MEGF11: variants seen among roughly 807,000 people sequenced by gnomAD.
MEGF11 encodes the protein multiple EGF like domains 11.
A neutral mutation model predicts 146.6 loss-of-function variants in MEGF11; 126 were observed. The observed-to-expected ratio is 0.86, with a 90% CI of 0.74 to 1.00. MEGF11 has a LOEUF of 1.00. Among genes scored for constraint, MEGF11 ranks in the 50% least tolerant of loss-of-function variants. The probability of loss-of-function intolerance (pLI) is 0.00; values close to 1 mark genes in which losing one functional copy is unlikely to be tolerated. For missense variants in MEGF11, 1,509 were observed against 1,521.2 expected (o/e 0.99, Z 0.13); for synonymous variants, 532 against 583.4 (o/e 0.91, Z 1.27).
chr15:65,916,984 G>A (rs1449829547), intron 16 of MEGF11, 28 bp from the exon 17 acceptor site: 1 of 1,475,366 alleles, frequency 6.8e-7, no homozygotes, highest in African/African-American at 1.4e-5. Flanking sequence ...TGCAGAGGGT[G>A]AGGGGAAGGC....
chr15:65,899,030 A>C lies in MEGF11; in HGVS notation c.3056-96T>G, dbSNP rs2078427117. On this transcript the variant is annotated intron_variant, in intron 24 of 25. Coordinates refer to ENST00000395614, the MANE Select transcript of MEGF11 (RefSeq NM_001385028.1). ...GCAGTTGAGTTTATGTGCCTTCAGG[A>C]TCTTAGAGCTGGAAAAGCCAGGATA... is the stretch of plus-strand genomic sequence containing the variant. 4.9e-6 allele frequency: 6 copies of C among 1,217,306 alleles called. No individual in the cohort carries two copies. The South Asian group carries it at 8.7e-5, about 18-fold the overall frequency. 75.4% of individuals were successfully genotyped at this position (1,217,306 alleles called of 1,614,324 possible).
rs57977250 is a variant in MEGF11 at position 65,950,584 on chromosome 15, GACACACACACACAC to G, written c.1287+6949_1287+6962del. 3.4e-3 allele frequency among the ~76,000 whole-genome samples: 510 copies of G among 148,938 alleles called. 1 individual carries two copies. Among genetic ancestry groups the G allele is most frequent in the African/African-American group, 0.012 (477 of 40,292 alleles). The stretch of plus-strand genomic sequence containing the variant: ...CAATAGAGTGAGGCTTAGACACACA[GACACACACACACAC>G]ACACACACACACACACACACACACA... On this transcript the variant is annotated intron_variant, in intron 10 of 25. Transcript: ENST00000395614.
At chr15:65,968,004 G>C (rs556449267) in intron 8 of MEGF11, among the ~76,000 whole-genome samples, 17 of 152,298 alleles carry the variant, frequency 1.1e-4, no homozygotes, top group African/African-American at 4.1e-4. Context: ...ACTGCTCCAA[G>C]CTCACGCAGC....
intron 1 of MEGF11, among the ~76,000 whole-genome samples, chr15:66,234,106 C>T (rs1166777320): frequency 6.6e-6 from 1 of 151,796 alleles, no homozygotes; most frequent in East Asian, 1.9e-4. Flanking sequence ...GCTGTGCTGG[C>T]CAGGCTGGTC....
At chr15:66,009,297 G>A (rs1333141336) in intron 5 of MEGF11, among the ~76,000 whole-genome samples, 1 of 148,028 alleles carries the variant, frequency 6.8e-6, no homozygotes, top group African/African-American at 2.5e-5. Flanking sequence ...ATTACCAGTA[G>A]AGGAAAGACC....
At chr15:66,133,509 C>G (rs1013189876) in intron 1 of MEGF11, among the ~76,000 whole-genome samples, 4 of 152,168 alleles carry the variant, frequency 2.6e-5, no homozygotes, top group Non-Finnish European at 5.9e-5. Flanking sequence ...AACAAAAAGC[C>G]AAGTTTGCAC....
At chr15:66,092,750 A>C (rs1291976345) in intron 5 of MEGF11, among the ~76,000 whole-genome samples, 2 of 152,128 alleles carry the variant, frequency 1.3e-5, no homozygotes, top group African/African-American at 4.8e-5. Context: ...AGTTGCACTC[A>C]CTGGTGGTTT....
Position 66,028,894 on chromosome 15 carries a change from T to G in MEGF11, c.395-46406A>C, listed in dbSNP as rs553567082. Among the ~76,000 whole-genome samples, 73 of 152,250 alleles carry G rather than the reference T, an allele frequency of 4.8e-4. 1 individual carries two copies. The highest frequency in any genetic ancestry group is 1.6e-3 in the African/African-American group (65 of 41,522). ...TGTGTTAAGGTGGAAGGACTAGAGG[T>G]GATTTATTTTTGTTTTTAAACATTT... On this transcript the variant is annotated intron_variant, in intron 5 of 25. Transcript: ENST00000395614.
At chr15:66,051,998 G>A (rs2084466583) in intron 5 of MEGF11, among the ~76,000 whole-genome samples, 1 of 152,168 alleles carries the variant, frequency 6.6e-6, no homozygotes, top group South Asian at 2.1e-4. Flanking sequence ...CCATCAGCAG[G>A]CTGCTGGCAA....
chr15:66,120,381 C>T (rs2087962859), intron 3 of MEGF11, among the ~76,000 whole-genome samples: 2 of 152,172 alleles, frequency 1.3e-5, no homozygotes, highest in African/African-American at 4.8e-5. Flanking sequence ...AACCCCAAGT[C>T]CTTGGGCCTT....
At chr15:66,074,688 A>C (rs894311733) in intron 5 of MEGF11, among the ~76,000 whole-genome samples, 1 of 152,244 alleles carries the variant, frequency 6.6e-6, no homozygotes, top group African/African-American at 2.4e-5. Context: ...GATGCATGGC[A>C]TTCTGAGGTT....
At chr15:66,020,736 T>C (rs1001782091) in intron 5 of MEGF11, among the ~76,000 whole-genome samples, 1 of 152,146 alleles carries the variant, frequency 6.6e-6, no homozygotes, top group African/African-American at 2.4e-5. Flanking sequence ...CTCACGCCTG[T>C]AATCCCAGCA....
intron 4 of MEGF11, among the ~76,000 whole-genome samples, chr15:66,106,358 G>A (rs2087080775): frequency 6.6e-6 from 1 of 152,168 alleles, no homozygotes; most frequent in Admixed American, 6.5e-5. Flanking sequence ...ACATACGGGT[G>A]CACACATGTG....
chr15:66,104,960 G>A (rs2086998230), intron 4 of MEGF11, among the ~76,000 whole-genome samples: 1 of 152,094 alleles, frequency 6.6e-6, no homozygotes, highest in Non-Finnish European at 1.5e-5. Flanking sequence ...GCTGCTTAGT[G>A]CCCGGGTACT....
chr15:66,149,963 C>T (rs991543171), intron 1 of MEGF11, among the ~76,000 whole-genome samples: 2 of 152,246 alleles, frequency 1.3e-5, no homozygotes, highest in African/African-American at 4.8e-5. Context: ...CATCCCATTG[C>T]TCCCTGGAAG....
At chr15:65,999,929 G>A (rs2082310460) in intron 5 of MEGF11, among the ~76,000 whole-genome samples, 1 of 152,190 alleles carries the variant, frequency 6.6e-6, no homozygotes, top group Non-Finnish European at 1.5e-5. Flanking sequence ...CCCAGAAGCA[G>A]ACCCTGAGGT....
chr15:66,208,226 AG>A (rs1301492761), intron 1 of MEGF11, among the ~76,000 whole-genome samples: 1 of 152,206 alleles, frequency 6.6e-6, no homozygotes, highest in African/African-American at 2.4e-5. Flanking sequence ...GGAAGTCTAA[AG>A]GGATATAAAG....
intron 1 of MEGF11, among the ~76,000 whole-genome samples, chr15:66,189,538 C>A (rs2090813684): frequency 6.6e-6 from 1 of 152,136 alleles, no homozygotes; most frequent in Admixed American, 6.6e-5. Context: ...AACCCTGGGG[C>A]CTGCAGGAGC....
chr15:65,932,063 A>T (rs2079597751), intron 10 of MEGF11, among the ~76,000 whole-genome samples: 1 of 152,218 alleles, frequency 6.6e-6, no homozygotes, highest in Non-Finnish European at 1.5e-5. Flanking sequence ...TCTTGAGAAT[A>T]ATCCCGATGA....
Sources: allele counts gnomAD v4.1 joint callset (sites outside exome capture counted in the v4.1 genomes callset), GRCh38; gene constraint gnomAD v4.1.1; transcripts MANE v1.5; gene names NCBI Gene and HGNC (gene_info 2026-07-23, HGNC 2026-07-21).